STAG1: variants seen among roughly 807,000 people sequenced by gnomAD.
STAG1 encodes cohesin subunit SA-1.
In STAG1, 26 loss-of-function variants were observed where a neutral mutation model predicts 170.9. The observed-to-expected ratio is 0.15, with a 90% CI of 0.11 to 0.21. The LOEUF (loss-of-function observed/expected upper bound fraction) is 0.21. STAG1 is among the 10% of genes least tolerant of loss of function. The pLI is 1.00. For missense variants in STAG1, 964 were observed against 1,509.5 expected, an observed-to-expected ratio of 0.64 and a Z score of 5.99; for synonymous variants, 514 against 497.7, an observed-to-expected ratio of 1.03 and a Z score of -0.44.
At chr3:136,589,568 C>T (rs887615079) in intron 4 of STAG1, among the ~76,000 whole-genome samples, 1 of 137,918 alleles carries the variant, frequency 7.3e-6, no homozygotes, top group African/African-American at 2.8e-5. Context: ...ACCCAGGAGG[C>T]GGAGGTTGCA....
intron 6 of STAG1, among the ~76,000 whole-genome samples, chr3:136,528,953 C>CA (rs200426088): frequency 0.03 from 4,517 of 148,976 alleles, 81 homozygotes; most frequent in Non-Finnish European, 0.032. Context: ...CAAAACAAAA[C>CA]AAAAAAAAAC....
At chr3:136,725,180 T>C (rs1933587795) in intron 1 of STAG1, among the ~76,000 whole-genome samples, 1 of 152,194 alleles carries the variant, frequency 6.6e-6, no homozygotes, top group African/African-American at 2.4e-5. Context: ...AATTTCTTAG[T>C]GAACCTTTAC....
intron 1 of STAG1, among the ~76,000 whole-genome samples, chr3:136,698,995 G>A (rs1241383007): frequency 6.6e-6 from 1 of 152,118 alleles, no homozygotes; most frequent in Non-Finnish European, 1.5e-5. Context: ...CTCTCACTTC[G>A]AAGTGGGAGC....
chr3:136,432,523 G>C (rs998951522), intron 16 of STAG1, among the ~76,000 whole-genome samples: 3 of 143,046 alleles, frequency 2.1e-5, no homozygotes, highest in Non-Finnish European at 4.6e-5. Context: ...TTGGGGGGGG[G>C]GGGGCACAGA....
chr3:136,605,347 G>A (rs918511626), intron 3 of STAG1, among the ~76,000 whole-genome samples: 2 of 152,030 alleles, frequency 1.3e-5, no homozygotes, highest in African/African-American at 4.8e-5. Flanking sequence ...TAGGGCCAAG[G>A]ATCATTTGAA....
rs149586656 is a variant in STAG1, at chr3:136,708,784, C to G, written c.-84+43411G>C. On this transcript the variant is annotated intron_variant, in intron 1 of 33. Transcript: ENST00000383202. ...TCACCCCTCCCATCCCATTCGTCAA[C>G]AAGTTATTTATAGTTAAAAGTCATG... 3.4e-3 allele frequency among the ~76,000 whole-genome samples: 510 copies of G among 152,118 alleles called. 2 individuals are homozygous for G. Among genetic ancestry groups the G allele is most frequent in the Non-Finnish European group, 4.5e-3 (308 of 67,994 alleles).
intron 1 of STAG1, among the ~76,000 whole-genome samples, chr3:136,678,351 AC>A (rs778946869): frequency 2.4e-4 from 37 of 151,870 alleles, no homozygotes; most frequent in Non-Finnish European, 4.1e-4. Flanking sequence ...ATAAAATAGT[AC>A]CCAATGATGA....
chr3:136,367,800 A>G (rs943291897), intron 24 of STAG1, among the ~76,000 whole-genome samples: 1 of 152,176 alleles, frequency 6.6e-6, no homozygotes, highest in Admixed American at 6.6e-5. Flanking sequence ...AAAAATTTTT[A>G]AAGCCCTATC....
intron 6 of STAG1, among the ~76,000 whole-genome samples, chr3:136,532,046 TA>T (rs1295758443): frequency 2.7e-5 from 4 of 146,912 alleles, no homozygotes; most frequent in African/African-American, 1.0e-4. Context: ...AAAAATAAAT[TA>T]AAACTAAAAA....
At chr3:136,690,056 C>CAAAA (rs57082567) in intron 1 of STAG1, among the ~76,000 whole-genome samples, 12 of 56,346 alleles carry the variant, frequency 2.1e-4, no homozygotes, top group African/African-American at 4.7e-4. Context: ...AAAAGCAAAC[C>CAAAA]AAAAAAAAAA....
chr3:136,542,254 T>C (rs1434669363), intron 5 of STAG1, 59 bp from the exon 6 acceptor site: 1 of 1,262,834 alleles, frequency 7.9e-7, no homozygotes, highest in South Asian at 1.2e-5. Context: ...CAATTTCCAC[T>C]CTCTCAAGCA....
At chr3:136,411,468 G>T (rs969895674) in intron 21 of STAG1, among the ~76,000 whole-genome samples, 5 of 151,972 alleles carry the variant, frequency 3.3e-5, no homozygotes, top group African/African-American at 1.2e-4. Flanking sequence ...TACAAAAGTG[G>T]GTATAAGAGA....
chr3:136,362,472 A>G (rs1936907730), intron 26 of STAG1, among the ~76,000 whole-genome samples: 1 of 151,042 alleles, frequency 6.6e-6, no homozygotes, highest in Admixed American at 6.6e-5. Flanking sequence ...ATCTATTTAA[A>G]TTTATACAGA....
intron 21 of STAG1, among the ~76,000 whole-genome samples, chr3:136,401,751 T>C (rs2087331595): frequency 6.6e-6 from 1 of 152,146 alleles, no homozygotes; most frequent in Non-Finnish European, 1.5e-5. Flanking sequence ...CAATAAAGCA[T>C]ACCTAATATT....
intron 1 of STAG1, among the ~76,000 whole-genome samples, chr3:136,666,934 C>G (rs1941804075): frequency 6.6e-6 from 1 of 151,906 alleles, no homozygotes; most frequent in African/African-American, 2.4e-5. Flanking sequence ...AGCTGAGCAT[C>G]TAGAAAGAAA....
At chr3:136,657,138 G>C (rs1180463632) in intron 1 of STAG1, among the ~76,000 whole-genome samples, 1 of 149,074 alleles carries the variant, frequency 6.7e-6, no homozygotes, top group African/African-American at 2.5e-5. Context: ...AAAGTGGCCA[G>C]TGTATAGATG....
At chr3:136,466,317 T>C (rs112744526) in intron 12 of STAG1, among the ~76,000 whole-genome samples, 21 of 152,244 alleles carry the variant, frequency 1.4e-4, no homozygotes, top group African/African-American at 4.6e-4. Context: ...AATGACCTGA[T>C]GGAGCTGAAA....
chr3:136,675,777 GA>G (rs1437109939), intron 1 of STAG1, among the ~76,000 whole-genome samples: 2 of 151,878 alleles, frequency 1.3e-5, no homozygotes, highest in Non-Finnish European at 2.9e-5. Flanking sequence ...TCATATACAT[GA>G]AATCATATAT....
At chr3:136,652,829 A>G (rs1476935361) in intron 1 of STAG1, among the ~76,000 whole-genome samples, 1 of 152,204 alleles carries the variant, frequency 6.6e-6, no homozygotes, top group African/African-American at 2.4e-5. Flanking sequence ...CATTATTGAC[A>G]TTTTTAGCCA....
Sources: gnomAD v4.1 joint callset for allele counts (sites outside exome capture counted in the v4.1 genomes callset) on GRCh38, gnomAD v4.1.1 for gene constraint, MANE v1.5 for transcripts, NCBI Gene and HGNC (gene_info 2026-07-23, HGNC 2026-07-21) for gene names.